The following XPR1 variants were observed in gnomAD, a reference collection of about 807,000 sequenced individuals.
XPR1 encodes xenotropic and polytropic retrovirus receptor 1, also known as solute carrier family 53 member 1.
A neutral mutation model predicts 87.5 loss-of-function variants in XPR1; 28 were observed. The ratio of observed to expected loss-of-function variants is 0.32; its 90% confidence interval spans 0.24 to 0.44. The LOEUF (loss-of-function observed/expected upper bound fraction) is 0.44. XPR1 is among the 20% of genes least tolerant of loss of function. The probability of loss-of-function intolerance (pLI) is 1.00; values close to 1 mark genes in which losing one functional copy is unlikely to be tolerated. For missense variants in XPR1, 559 were observed against 862.3 expected (o/e 0.65, Z 4.41); for synonymous variants, 300 against 306.1 (o/e 0.98, Z 0.21).
chr1:180,711,479 C>T (rs534304788), intron 2 of XPR1, among the ~76,000 whole-genome samples: 33 of 151,640 alleles, frequency 2.2e-4, no homozygotes, highest in Admixed American at 1.2e-3. Context: ...TCAGGCATCG[C>T]GGCGCGCGCC....
Position 180,803,403 on chromosome 1 carries a change from C to G in XPR1, c.239C>G (p.Ala80Gly), listed in dbSNP as rs758536049. The G allele has an allele frequency of 6.2e-7, 1 of 1,613,888 alleles. No homozygotes were observed. The highest frequency in any genetic ancestry group is 8.5e-7 in the Non-Finnish European group (1 of 1,179,952). Residue 80 changes from alanine to glycine, a missense_variant, in exon 4 of 15, where the codon GCT (alanine) becomes GGT (glycine). This residue lies in a region of XPR1 where 159 missense variants were observed against 263.3 expected (regional missense o/e 0.60). Coordinates refer to ENST00000367590, the MANE Select transcript of XPR1 (RefSeq NM_004736.4). ...TTTCTTATAGAGAAGCTCGCAGAGG[C>G]TCAGCGCAGGTTTGCTACACTTCAG... Reference protein sequence around the residue: ...NTFYSEKLAEAQRRFATLQNE... With the variant: ...NTFYSEKLAEGQRRFATLQNE...
chr1:180,679,710 AAAAAACAAAAAC>A (rs373581905), intron 1 of XPR1, among the ~76,000 whole-genome samples: 1 of 152,266 alleles, frequency 6.6e-6, no homozygotes, highest in African/African-American at 2.4e-5. Context: ...GTTTTGGGGG[AAAAAACAAAAAC>A]AAAAACAAAC....
intron 1 of XPR1, among the ~76,000 whole-genome samples, chr1:180,665,827 G>A (rs1470430105): frequency 6.6e-6 from 1 of 152,138 alleles, no homozygotes; most frequent in Non-Finnish European, 1.5e-5. Context: ...ACCAGTTACT[G>A]TGTTTACTCA....
intron 2 of XPR1, among the ~76,000 whole-genome samples, chr1:180,730,477 A>G (rs1435975204): frequency 3.3e-5 from 5 of 152,190 alleles, no homozygotes; most frequent in African/African-American, 1.2e-4. Context: ...TTCTGCCTCC[A>G]TTAAGCTTAC....
intron 13 of XPR1, among the ~76,000 whole-genome samples, chr1:180,878,794 A>G (rs1183865342): frequency 6.6e-6 from 1 of 151,696 alleles, no homozygotes; most frequent in Admixed American, 6.6e-5. Context: ...CTCAGAAACT[A>G]CAGTCTCCTG....
intron 2 of XPR1, among the ~76,000 whole-genome samples, chr1:180,781,930 G>A (rs1357254985): frequency 6.6e-6 from 1 of 151,928 alleles, no homozygotes. Flanking sequence ...AGTAATTTGC[G>A]GGGTGGATGA....
intron 6 of XPR1, among the ~76,000 whole-genome samples, chr1:180,810,256 T>C (rs1446951864): frequency 6.6e-6 from 1 of 152,110 alleles, no homozygotes. Context: ...CTTAAGAACC[T>C]CTCGTATATC....
intron 1 of XPR1, among the ~76,000 whole-genome samples, chr1:180,667,339 C>T (rs1188385780): frequency 2.0e-5 from 3 of 151,950 alleles, no homozygotes; most frequent in African/African-American, 7.3e-5. Flanking sequence ...TTTATCAATT[C>T]AAGTGATCAT....
chr1:180,767,472 T>C (rs748263336), intron 2 of XPR1, among the ~76,000 whole-genome samples: 2 of 152,148 alleles, frequency 1.3e-5, no homozygotes, highest in African/African-American at 2.4e-5. Flanking sequence ...TGGTGATCCT[T>C]AGTGCATTCT....
At chr1:180,723,268 C>G (rs1658232898) in intron 2 of XPR1, among the ~76,000 whole-genome samples, 1 of 152,116 alleles carries the variant, frequency 6.6e-6, no homozygotes, top group Admixed American at 6.5e-5. Context: ...TACTGCATAA[C>G]AGAAACTTTA....
rs779310682 is a variant in XPR1, at chr1:180,806,152, G to A, written c.538G>A (p.Val180Ile). 10 of 1,613,616 alleles carry A rather than the reference G, an allele frequency of 6.2e-6. No homozygotes were observed. The African/African-American group carries it at 6.7e-5, about 11-fold the overall frequency. Residue 180 changes from valine to isoleucine, a missense_variant, in exon 5 of 15, where the codon GTA becomes ATA. This residue lies in a region of XPR1 where 159 missense variants were observed against 263.3 expected (regional missense o/e 0.60). Coordinates refer to ENST00000367590, the MANE Select transcript of XPR1 (RefSeq NM_004736.4). ...SRGADWRVAH[V>I]EVAPFYTCKK... ...TGGAGCAGATTGGCGAGTGGCTCAC[G>A]TAGAGGTGGCCCCATTTTATACATG...
intron 2 of XPR1, among the ~76,000 whole-genome samples, chr1:180,710,058 T>A (rs889054235): frequency 1.3e-5 from 2 of 151,902 alleles, no homozygotes; most frequent in Admixed American, 6.6e-5. Flanking sequence ...GGCACCTGGC[T>A]AATTTTTGCA....
Position 180,887,055 on chromosome 1 carries a change from C to G in XPR1, c.*2989C>G, listed in dbSNP as rs1010677815. 2 of 152,262 alleles carry G rather than the reference C, an allele frequency of 1.3e-5. No homozygotes were observed. Among genetic ancestry groups the G allele is most frequent in the Non-Finnish European group, 1.5e-5 (1 of 68,098 alleles). 9.4% of individuals were successfully genotyped at this position (152,262 alleles called of 1,614,324 possible). On this transcript the variant is annotated 3_prime_UTR_variant, in exon 15 of 15. Transcript: ENST00000367590. ...GGCGTGGTGGCGCATGCCTGTAATC[C>G]CAGCTACTCAGGAGACTGAGGCAGG...
chr1:180,860,163 A>G (rs1652174723), intron 11 of XPR1, among the ~76,000 whole-genome samples: 1 of 152,130 alleles, frequency 6.6e-6, no homozygotes, highest in African/African-American at 2.4e-5. Context: ...ACAACTAGAT[A>G]CTACAAAATG....
At chr1:180,872,833 G>T (rs904495658) in intron 12 of XPR1, among the ~76,000 whole-genome samples, 2 of 152,000 alleles carry the variant, frequency 1.3e-5, no homozygotes, top group Non-Finnish European at 1.5e-5. Flanking sequence ...GGCCATCTTG[G>T]CTCCTCCCCC....
intron 3 of XPR1, among the ~76,000 whole-genome samples, chr1:180,789,221 A>G (rs909104909): frequency 1.3e-5 from 2 of 152,204 alleles, no homozygotes; most frequent in East Asian, 1.9e-4. Context: ...GTTAGCATCT[A>G]CTGACCTCTT....
chr1:180,764,871 C>T (rs1332272569), intron 2 of XPR1, among the ~76,000 whole-genome samples: 1 of 150,830 alleles, frequency 6.6e-6, no homozygotes, highest in East Asian at 1.9e-4. Context: ...CTGCAAGCTC[C>T]ACCTCCCGGG....
chr1:180,707,979 G>A (rs1424554910), intron 2 of XPR1, among the ~76,000 whole-genome samples: 4 of 152,098 alleles, frequency 2.6e-5, no homozygotes, highest in Admixed American at 1.3e-4. Flanking sequence ...AGGTCTTTTA[G>A]AACGCCTAGT....
At chr1:180,803,747 C>T in intron 4 of XPR1, 136 bp downstream of exon 4, 1 of 703,590 alleles carries the variant, frequency 1.4e-6, no homozygotes, top group Admixed American at 3.0e-5. Context: ...TCTTGGGGTT[C>T]CTACTGGCTA....
Sources: allele counts gnomAD v4.1 joint callset (sites outside exome capture counted in the v4.1 genomes callset), GRCh38; gene constraint gnomAD v4.1.1; regional missense constraint gnomAD v4.1.1; transcripts MANE v1.5; gene names NCBI Gene and HGNC (gene_info 2026-07-23, HGNC 2026-07-21).